Variants in ZHX2 observed in about 807,000 individuals in gnomAD.
ZHX2 encodes the protein zinc fingers and homeoboxes protein 2.
Under a neutral mutation model 21.9 loss-of-function variants are expected in ZHX2, and 6 were observed. The observed-to-expected ratio is 0.27, with a 90% CI of 0.15 to 0.54. The LOEUF (loss-of-function observed/expected upper bound fraction) is 0.54. Ranked by LOEUF, ZHX2 falls within the 20% of genes least tolerant of loss-of-function variation. ZHX2 has a pLI of 0.95. For synonymous variants in ZHX2, 434 were observed against 437.1 expected, an observed-to-expected ratio of 0.99 and a Z score of 0.09; for missense variants, 908 against 1,090.7, an observed-to-expected ratio of 0.83 and a Z score of 2.36.
rs151019858 is a variant in ZHX2, at chr8:122,831,615, G to C, written c.-282-31862G>C. Among the ~76,000 whole-genome samples, 25 of 152,314 alleles carry C rather than the reference G, an allele frequency of 1.6e-4. No homozygotes were observed. The East Asian group carries it at 4.3e-3, about 26-fold the overall frequency. On this transcript the variant is annotated intron_variant, in intron 1 of 3. Transcript: ENST00000314393. ...CCTTGCACGGGTTGTAGGGCCACTT[G>C]TTTGGCTACCTGATCTGCTAGCACA... is the stretch of plus-strand genomic sequence containing the variant.
intron 3 of ZHX2, among the ~76,000 whole-genome samples, chr8:122,971,775 G>T (rs1813732040): frequency 6.6e-6 from 1 of 152,074 alleles, no homozygotes; most frequent in Admixed American, 6.5e-5. Context: ...CCTGAGCCTT[G>T]CTTGGATCCC....
At position 122,952,788 on chromosome 8, in the gene ZHX2, G is replaced by A. The variant is rs893025244; in HGVS notation, c.1278G>A (p.Val426=). The part of the protein sequence containing the change: ...PEPKRPHIAQ[V]PEPPPKVANP... ...CCAAGCGTCCACACATCGCTCAGGT[G>A]CCAGAGCCCCCACCCAAGGTGGCCA... is the stretch of plus-strand genomic sequence containing the variant. Residue 426 remains valine (V), a synonymous_variant, in exon 3 of 4, where the codon GTG becomes GTA. Transcript: ENST00000314393. The surrounding 1 kb of genome is among the most constrained non-coding windows in gnomAD (Gnocchi z 6.9). 1.7e-5 allele frequency: 28 copies of A among 1,614,054 alleles called. No homozygotes were observed. The highest frequency in any genetic ancestry group is 2.4e-5 in the Non-Finnish European group (28 of 1,180,022).
At chr8:122,964,820 A>G (rs1381396752) in intron 3 of ZHX2, among the ~76,000 whole-genome samples, 1 of 151,722 alleles carries the variant, frequency 6.6e-6, no homozygotes, top group African/African-American at 2.4e-5. Flanking sequence ...CAGTCTTGCT[A>G]CTTGTTATTT....
chr8:122,960,516 G>A (rs117311202), intron 3 of ZHX2, among the ~76,000 whole-genome samples: 562 of 152,176 alleles, frequency 3.7e-3, no homozygotes, highest in Non-Finnish European at 6.5e-3. Context: ...CCAACTTGGG[G>A]CACAGAGCAA....
chr8:122,962,540 G>A (rs1032201206), intron 3 of ZHX2, among the ~76,000 whole-genome samples: 2 of 152,110 alleles, frequency 1.3e-5, no homozygotes, highest in African/African-American at 4.8e-5. Context: ...GGGCATCTAG[G>A]CTCGTTACAT....
At chr8:122,805,497 G>A (rs1200575091) in intron 1 of ZHX2, among the ~76,000 whole-genome samples, 2 of 152,146 alleles carry the variant, frequency 1.3e-5, no homozygotes, top group Non-Finnish European at 2.9e-5. Context: ...AAGAACAGGG[G>A]GACATGGGCC....
intron 3 of ZHX2, among the ~76,000 whole-genome samples, chr8:122,968,453 C>T (rs890670587): frequency 1.3e-5 from 2 of 152,156 alleles, no homozygotes; most frequent in African/African-American, 4.8e-5. Flanking sequence ...TAATCTTCCT[C>T]CAGTCCAACA....
At chr8:122,957,736 GCT>G (rs766059098) in intron 3 of ZHX2, among the ~76,000 whole-genome samples, 18 of 152,140 alleles carry the variant, frequency 1.2e-4, no homozygotes, top group Non-Finnish European at 1.8e-4. Flanking sequence ...CTCCCAAAGT[GCT>G]GGGATGACAG....
At chr8:122,789,132 G>T (rs529435612) in intron 1 of ZHX2, among the ~76,000 whole-genome samples, 1 of 152,222 alleles carries the variant, frequency 6.6e-6, no homozygotes. Flanking sequence ...ATGGGGGAAG[G>T]GGGTGGAGGA....
At chr8:122,930,304 G>A (rs1820953739) in intron 2 of ZHX2, among the ~76,000 whole-genome samples, 1 of 152,188 alleles carries the variant, frequency 6.6e-6, no homozygotes, top group South Asian at 2.1e-4. Context: ...TGGCAAAAAG[G>A]AACAAGCAGC....
At chr8:122,831,160 T>C (rs1174023941) in intron 1 of ZHX2, among the ~76,000 whole-genome samples, 2 of 152,190 alleles carry the variant, frequency 1.3e-5, no homozygotes, top group Non-Finnish European at 2.9e-5. Context: ...CTTCTACTTA[T>C]CTGGAGAAAG....
chr8:122,794,848 A>AG (rs1316110317), intron 1 of ZHX2, among the ~76,000 whole-genome samples: 3 of 152,174 alleles, frequency 2.0e-5, no homozygotes, highest in Non-Finnish European at 4.4e-5. Context: ...CTTCCCAGAA[A>AG]GACTATCCCC....
intron 2 of ZHX2, among the ~76,000 whole-genome samples, chr8:122,868,810 C>T (rs1044508641): frequency 3.3e-5 from 5 of 151,776 alleles, no homozygotes; most frequent in African/African-American, 7.3e-5. Context: ...CCCTGAGCTA[C>T]GATCACACCA....
Position 122,957,296 on chromosome 8 carries a change from C to CAAA in ZHX2, c.*4+3284_*4+3286dup, listed in dbSNP as rs34314877. Among the ~76,000 whole-genome samples the CAAA allele has an allele frequency of 4.4e-3, 488 of 110,310 alleles. 3 individuals are homozygous for CAAA. The highest frequency in any genetic ancestry group is 0.01 in the African/African-American group (301 of 29,982). 72.4% of individuals were successfully genotyped at this position (110,310 alleles called of 152,430 possible). On this transcript the variant is annotated intron_variant, in intron 3 of 3. Coordinates refer to ENST00000314393, the MANE Select transcript of ZHX2 (RefSeq NM_014943.5). Reference sequence around the variant, plus strand: ...TCAGGACAGGGACTAGCTGTGTTCACAAAAAAAAAAAAAAAAAACATGCAG... The same window carrying CAAA: ...TCAGGACAGGGACTAGCTGTGTTCACAAAAAAAAAAAAAAAAAAAAACATGCAG...
At chr8:122,971,841 C>A (rs542998308) in intron 3 of ZHX2, among the ~76,000 whole-genome samples, 180 of 152,186 alleles carry the variant, frequency 1.2e-3, no homozygotes, top group Non-Finnish European at 2.1e-3. Flanking sequence ...GAGACCTGCC[C>A]CCATTTCCTC....
chr8:122,874,702 C>A (rs1365837223), intron 2 of ZHX2, among the ~76,000 whole-genome samples: 1 of 152,062 alleles, frequency 6.6e-6, no homozygotes, highest in African/African-American at 2.4e-5. Context: ...ACAGAGGCAC[C>A]TAAAAGTCAG....
At chr8:122,805,781 A>T (rs1324188866) in intron 1 of ZHX2, among the ~76,000 whole-genome samples, 1 of 152,068 alleles carries the variant, frequency 6.6e-6, no homozygotes, top group East Asian at 1.9e-4. Flanking sequence ...GCTCCTCATC[A>T]CTAGGACCCA....
chr8:122,794,070 A>G (rs1156550876), intron 1 of ZHX2, among the ~76,000 whole-genome samples: 1 of 152,200 alleles, frequency 6.6e-6, no homozygotes, highest in East Asian at 1.9e-4. Flanking sequence ...TTTGATTCTC[A>G]GCTCTCTACC....
chr8:122,868,369 C>T (rs572487891), intron 2 of ZHX2, among the ~76,000 whole-genome samples: 3 of 152,154 alleles, frequency 2.0e-5, no homozygotes, highest in Admixed American at 1.3e-4. Flanking sequence ...AAATCAAGGC[C>T]GGGCACAGAG....
Sources: allele counts gnomAD v4.1 joint callset (sites outside exome capture counted in the v4.1 genomes callset), GRCh38; gene constraint gnomAD v4.1.1; non-coding constraint Gnocchi (gnomAD v3.1); transcripts MANE v1.5; gene names NCBI Gene and HGNC (gene_info 2026-07-23, HGNC 2026-07-21).